SH3D19: variants seen among roughly 807,000 people sequenced by gnomAD.
SH3D19 encodes the protein SH3 domain-containing protein 19.
Under a neutral mutation model 112.1 loss-of-function variants are expected in SH3D19, and 58 were observed. That is an observed-to-expected ratio of 0.52 (90% confidence interval 0.42 to 0.64). The LOEUF (loss-of-function observed/expected upper bound fraction) is 0.64, where lower values mean the gene tolerates loss of function less well. SH3D19 is among the 30% of genes least tolerant of loss of function. The pLI, the probability that SH3D19 is intolerant of heterozygous loss-of-function variation, is 0.00. For missense variants in SH3D19, 1,090 were observed against 1,263.4 expected, an observed-to-expected ratio of 0.86 and a Z score of 2.08; for synonymous variants, 391 against 448.5, an observed-to-expected ratio of 0.87 and a Z score of 1.62.
chr4:151,183,641 G>A (rs1244804123), intron 3 of SH3D19, among the ~76,000 whole-genome samples: 2 of 152,148 alleles, frequency 1.3e-5, no homozygotes, highest in African/African-American at 4.8e-5. Flanking sequence ...AATGATGTCA[G>A]AAGAAATAAA....
intron 2 of SH3D19, among the ~76,000 whole-genome samples, chr4:151,208,957 T>G (rs1037944015): frequency 1.3e-5 from 2 of 151,674 alleles, no homozygotes; most frequent in South Asian, 2.1e-4. Flanking sequence ...GATTACAGGC[T>G]TGAGCCACCA....
intron 2 of SH3D19, among the ~76,000 whole-genome samples, chr4:151,192,962 T>A (rs535901663): frequency 6.9e-6 from 1 of 145,678 alleles, no homozygotes; most frequent in South Asian, 2.1e-4. Flanking sequence ...CAATTCTTCT[T>A]TTTTTTTTTT....
chr4:151,128,172 G>C lies in SH3D19; in HGVS notation c.2927C>G (p.Pro976Arg). Residue 976 changes from proline (P) to arginine (R), a missense_variant and splice_region_variant, in exon 18 of 20, where the codon CCA (proline) becomes CGA (arginine). Transcript: ENST00000604030. ...IFPAVFVRPC[P>R]AEAKSMLAIV... is the part of the protein sequence containing the mutation. ...TTCATGTCTTGCGGTTGTCATACCT[G>C]GGCAGGGCCTCACAAACACTGCTGG... 3.1e-6 allele frequency: 5 copies of C among 1,599,088 alleles called. No individual in the cohort carries two copies. The highest frequency in any genetic ancestry group is 1.3e-5 in the African/African-American group (1 of 74,484).
chr4:151,194,476 CACA>C lies in SH3D19; in HGVS notation c.153-7016_153-7014del, dbSNP rs200928245. 8.7e-3 allele frequency among the ~76,000 whole-genome samples: 1,316 copies of C among 151,690 alleles called. 18 individuals are homozygous for C. Among genetic ancestry groups the C allele is most frequent in the African/African-American group, 0.03 (1,244 of 41,376 alleles). On this transcript the variant is annotated intron_variant, in intron 2 of 19. Transcript: ENST00000604030. ...TATGGTAGTTTCAGTTTCAAGCATC[CACA>C]ACAACTACAGACTGATTTTTCAAAC...
At chr4:151,208,378 C>CT (rs1345943917) in intron 2 of SH3D19, among the ~76,000 whole-genome samples, 2 of 152,072 alleles carry the variant, frequency 1.3e-5, no homozygotes, top group African/African-American at 4.8e-5. Context: ...TTATCTCTCT[C>CT]TTTTTTTTAA....
intron 1 of SH3D19, among the ~76,000 whole-genome samples, chr4:151,229,373 T>C (rs1214033271): frequency 6.6e-6 from 1 of 152,184 alleles, no homozygotes; most frequent in Non-Finnish European, 1.5e-5. Context: ...GTGGATGATA[T>C]ACTTATTCCA....
At chr4:151,150,231 A>G (rs1353065723) in intron 9 of SH3D19, among the ~76,000 whole-genome samples, 1 of 41,990 alleles carries the variant, frequency 2.4e-5, no homozygotes, top group Non-Finnish European at 1.2e-4. Flanking sequence ...ATATATATAC[A>G]CACACACATA....
chr4:151,129,665 T>C (rs1171048088), intron 17 of SH3D19, among the ~76,000 whole-genome samples: 2 of 152,114 alleles, frequency 1.3e-5, no homozygotes, highest in Non-Finnish European at 2.9e-5. Context: ...CCTCAGCGCC[T>C]GGCCGGGACA....
chr4:151,238,111 C>T (rs1178637202), intron 1 of SH3D19, among the ~76,000 whole-genome samples: 1 of 152,148 alleles, frequency 6.6e-6, no homozygotes, highest in African/African-American at 2.4e-5. Flanking sequence ...GATCACCATC[C>T]CTTCCATTCT....
At chr4:151,263,631 C>A (rs1011361476) in intron 1 of SH3D19, among the ~76,000 whole-genome samples, 5 of 152,192 alleles carry the variant, frequency 3.3e-5, no homozygotes, top group African/African-American at 1.2e-4. Context: ...CTGCAGTCAT[C>A]AAGGCTCAAC....
chr4:151,126,815 A>G (rs1252158906), intron 19 of SH3D19, among the ~76,000 whole-genome samples: 1 of 151,084 alleles, frequency 6.6e-6, no homozygotes, highest in Non-Finnish European at 1.5e-5. Flanking sequence ...AAAAAAAAAA[A>G]AAAGAAAAGA....
chr4:151,149,574 G>A lies in SH3D19; in HGVS notation c.1756-13C>T. The A allele has an allele frequency of 6.2e-7, 1 of 1,610,330 alleles. No individual in the cohort carries two copies. The highest frequency in any genetic ancestry group is 8.5e-7 in the Non-Finnish European group (1 of 1,178,010). On this transcript the variant is annotated splice_polypyrimidine_tract_variant and intron_variant, in intron 9 of 19. Coordinates refer to ENST00000604030, the MANE Select transcript of SH3D19 (RefSeq NM_001378122.1). Reference sequence around the variant, plus strand: ...GGTGGTTGGATTCCTGCAAGTAGCAGAGAATGCTTTTTAGTTAAGGTTAAT... The same window carrying A: ...GGTGGTTGGATTCCTGCAAGTAGCAAAGAATGCTTTTTAGTTAAGGTTAAT...
At chr4:151,168,401 T>TTC (rs201831113) in intron 7 of SH3D19, among the ~76,000 whole-genome samples, 104,183 of 135,986 alleles carry the variant, frequency 0.77, 41,781 homozygotes, top group Non-Finnish European at 0.9. Flanking sequence ...TAGCATTTCT[T>TTC]TTTTTTTTTT....
rs1756749152 is a variant in SH3D19, at chr4:151,159,419, G to A, written c.1643-67C>T. 4 of 939,108 alleles carry A rather than the reference G, an allele frequency of 4.3e-6. No homozygotes were observed. The Admixed American group carries it at 8.3e-5, about 19-fold the overall frequency. The allele number at this position is 939,108 out of a possible 1,614,324, so 58.2% of individuals were successfully genotyped here. A position where few individuals can be genotyped will look rare whatever the true frequency, so the allele number is the denominator to read the frequency against. ...TGGGATTCCAAAGAATGAAATGATT[G>A]CTGCTTAGTTTATTAGAAAAATGGC... On this transcript the variant is annotated intron_variant, in intron 8 of 19. Coordinates refer to ENST00000604030, the MANE Select transcript of SH3D19 (RefSeq NM_001378122.1).
chr4:151,184,079 T>C (rs1297176846), intron 3 of SH3D19, among the ~76,000 whole-genome samples: 4 of 152,108 alleles, frequency 2.6e-5, no homozygotes, highest in Non-Finnish European at 5.9e-5. Flanking sequence ...AGGAAGAACA[T>C]AAAATTCTAG....
At chr4:151,306,629 C>T (rs1728940377) in intron 1 of SH3D19, among the ~76,000 whole-genome samples, 1 of 152,170 alleles carries the variant, frequency 6.6e-6, no homozygotes, top group Non-Finnish European at 1.5e-5. Context: ...ATGAGGTGAG[C>T]AATACCAAAT....
chr4:151,233,221 T>C (rs1769751935), intron 1 of SH3D19, among the ~76,000 whole-genome samples: 2 of 152,044 alleles, frequency 1.3e-5, no homozygotes, highest in South Asian at 2.1e-4. Context: ...TTCTACATTA[T>C]GGTGAGTTGT....
chr4:151,313,397 T>TTTTA (rs1159589836), intron 1 of SH3D19, among the ~76,000 whole-genome samples: 2 of 144,530 alleles, frequency 1.4e-5, no homozygotes, highest in Admixed American at 7.0e-5. Context: ...AGTCTGCATA[T>TTTTA]TTTATGTATT....
intron 1 of SH3D19, among the ~76,000 whole-genome samples, chr4:151,276,659 T>G (rs570967108): frequency 6.6e-6 from 1 of 152,302 alleles, no homozygotes; most frequent in Non-Finnish European, 1.5e-5. Flanking sequence ...GAGACCACTC[T>G]AAAATAAATT....
Sources: allele counts gnomAD v4.1 joint callset (sites outside exome capture counted in the v4.1 genomes callset), GRCh38; gene constraint gnomAD v4.1.1; transcripts MANE v1.5; gene names NCBI Gene and HGNC (gene_info 2026-07-23, HGNC 2026-07-21).